The following BMPR2 variants were observed in gnomAD, a reference collection of about 807,000 sequenced individuals.
BMPR2 encodes the protein bone morphogenetic protein receptor type-2.
BMPR2 carries 29 observed loss-of-function variants against 100.8 expected under a neutral mutation model. The observed-to-expected ratio is 0.29, with a 90% CI of 0.21 to 0.39. The LOEUF (loss-of-function observed/expected upper bound fraction) is 0.39, where lower values mean the gene tolerates loss of function less well. BMPR2 is among the 10% of genes least tolerant of loss of function. The pLI is 1.00. For synonymous variants in BMPR2, 382 were observed against 442.3 expected, an observed-to-expected ratio of 0.86 and a Z score of 1.71; for missense variants, 1,011 against 1,274.5, an observed-to-expected ratio of 0.79 and a Z score of 3.15.
chr2:202,506,748 A>C (rs769085818), intron 3 of BMPR2, among the ~76,000 whole-genome samples: 7 of 151,982 alleles, frequency 4.6e-5, no homozygotes, highest in Non-Finnish European at 1.0e-4. Context: ...AAAATACAAA[A>C]AATTAGTTGG....
chr2:202,450,691 CAAAAAAAAAAAA>C (rs761806972), intron 1 of BMPR2, among the ~76,000 whole-genome samples: 1 of 41,232 alleles, frequency 2.4e-5, no homozygotes, highest in Non-Finnish European at 5.5e-5. Flanking sequence ...AACTCCATCT[CAAAAAAAAAAAA>C]AAAAAAAAAG....
chr2:202,464,900 G>A lies in BMPR2; in HGVS notation c.168G>A (p.Gly56=), dbSNP rs1403322729. 10 of 1,614,108 alleles carry A rather than the reference G, an allele frequency of 6.2e-6. No individual in the cohort carries two copies. The highest frequency in any genetic ancestry group is 8.5e-6 in the Non-Finnish European group (10 of 1,180,016). The change falls in exon 2 of 13, where the codon GGG becomes GGA. Residue 56 remains glycine, a synonymous_variant. Coordinates refer to ENST00000374580, the MANE Select transcript of BMPR2 (RefSeq NM_001204.7). The part of the protein sequence containing the change: ...IGESRISHEN[G]TILCSKGSTC... ...AGAGTAGAATCTCTCATGAAAATGG[G>A]ACAATATTATGCTCGAAAGGTAGCA...
intron 1 of BMPR2, among the ~76,000 whole-genome samples, chr2:202,420,530 A>G (rs1248175736): frequency 6.9e-6 from 1 of 144,410 alleles, no homozygotes; most frequent in Non-Finnish European, 1.5e-5. Context: ...ACATCTGTAG[A>G]AGCATGATTT....
At chr2:202,450,418 G>A (rs56390233) in intron 1 of BMPR2, among the ~76,000 whole-genome samples, 1,725 of 152,238 alleles carry the variant, frequency 0.011, 12 homozygotes, top group Middle Eastern at 0.02. Context: ...TGGGCTGGGC[G>A]AGGTGGCTCA....
intron 7 of BMPR2, among the ~76,000 whole-genome samples, chr2:202,525,596 C>G (rs1405989901): frequency 2.0e-5 from 3 of 152,164 alleles, no homozygotes; most frequent in African/African-American, 7.2e-5. Flanking sequence ...ATAAGTCCCA[C>G]TCCTATGCTT....
Position 202,550,066 on chromosome 2 carries a change from C to A in BMPR2, c.1414-2650C>A, listed in dbSNP as rs190178434. 2.1e-3 allele frequency among the ~76,000 whole-genome samples: 325 copies of A among 152,160 alleles called. 1 individual carries two copies. The highest frequency in any genetic ancestry group is 7.3e-3 in the African/African-American group (305 of 41,524). ...GACCACAGGTGTGCACAACCACATC[C>A]AGCTAATTTTTAAAAATTTTTGGCC... On this transcript the variant is annotated intron_variant, in intron 10 of 12. Transcript: ENST00000374580.
rs1216592236 is a variant in BMPR2, at chr2:202,382,058, G to GTT, written c.76+4526_76+4527dup. 3.6e-3 allele frequency among the ~76,000 whole-genome samples: 406 copies of GTT among 113,636 alleles called. 3 individuals carry two copies. The highest frequency in any genetic ancestry group is 8.4e-3 in the African/African-American group (266 of 31,544). The allele number at this position is 113,636 out of a possible 152,430, so 74.5% of individuals were successfully genotyped here. Reference sequence around the variant, plus strand: ...CTGCTGGATATCAGTTTTTGTTTTTGTTTTTTTTTTTTTTTTTTTGAGATG... The same window carrying GTT: ...CTGCTGGATATCAGTTTTTGTTTTTGTTTTTTTTTTTTTTTTTTTTTGAGATG... On this transcript the variant is annotated intron_variant, in intron 1 of 12. Transcript: ENST00000374580.
chr2:202,465,046 A>G (rs1692293327), intron 2 of BMPR2, 67 bp downstream of exon 2: 1 of 1,569,220 alleles, frequency 6.4e-7, no homozygotes. Flanking sequence ...TAAAAAGGAC[A>G]TGGGAGTATG....
chr2:202,406,926 CTT>C (rs2105914238), intron 1 of BMPR2, among the ~76,000 whole-genome samples: 1 of 151,814 alleles, frequency 6.6e-6, no homozygotes, highest in Non-Finnish European at 1.5e-5. Context: ...ATTCTTTTTT[CTT>C]TTTTACTTTT....
In BMPR2 at chr2:202,437,047, C is replaced by T. The variant is rs1362669927; in HGVS notation, c.77-27762C>T. Among the ~76,000 whole-genome samples, 6 of 150,422 alleles carry T rather than the reference C, an allele frequency of 4.0e-5. 1 individual carries two copies. The highest frequency in any genetic ancestry group is 1.5e-4 in the African/African-American group (6 of 39,866). On this transcript the variant is annotated intron_variant, in intron 1 of 12. Transcript: ENST00000374580. ...TTTTGAGATGGAGTCTCGCTTGGTC[C>T]GAGGCTGGAGTGCAGTGGCGTGATC...
In BMPR2 at chr2:202,562,476, T is replaced by C. The variant is rs1688691863; in HGVS notation, c.*2530T>C. ...AAATTTTAAATTGTACATCAGACTT[T>C]TAAAATCTGTAATATACAAGCAAGC... On this transcript the variant is annotated 3_prime_UTR_variant, in exon 13 of 13. Coordinates refer to ENST00000374580, the MANE Select transcript of BMPR2 (RefSeq NM_001204.7). 6.6e-6 allele frequency: 1 copy of C among 152,586 alleles called. No homozygotes were observed. The highest frequency in any genetic ancestry group is 1.5e-5 in the Non-Finnish European group (1 of 68,016). 9.5% of individuals were successfully genotyped at this position (152,586 alleles called of 1,614,324 possible).
At chr2:202,441,717 CAAAAAAAA>C (rs33963123) in intron 1 of BMPR2, among the ~76,000 whole-genome samples, 1 of 43,980 alleles carries the variant, frequency 2.3e-5, no homozygotes, top group South Asian at 9.1e-4. Context: ...GACTCCGTCT[CAAAAAAAA>C]AAAAAAAAAA....
At chr2:202,449,308 C>T (rs1052595318) in intron 1 of BMPR2, among the ~76,000 whole-genome samples, 4 of 142,980 alleles carry the variant, frequency 2.8e-5, no homozygotes, top group African/African-American at 1.0e-4. Flanking sequence ...AACTCCATCT[C>T]AAATAAATAA....
At chr2:202,446,320 C>T (rs1428427546) in intron 1 of BMPR2, among the ~76,000 whole-genome samples, 1 of 150,058 alleles carries the variant, frequency 6.7e-6, no homozygotes, top group African/African-American at 2.5e-5. Context: ...AATGCTTGAA[C>T]CTGGGAGGCA....
chr2:202,392,013 GC>G (rs1690560429), intron 1 of BMPR2, among the ~76,000 whole-genome samples: 1 of 151,276 alleles, frequency 6.6e-6, no homozygotes. Context: ...GCCCACCTTG[GC>G]CTCCCAAAGT....
At chr2:202,531,218 G>A (rs1369132894) in intron 8 of BMPR2, among the ~76,000 whole-genome samples, 6 of 152,166 alleles carry the variant, frequency 3.9e-5, no homozygotes, top group Non-Finnish European at 7.4e-5. Context: ...CAAGAGAATC[G>A]CTTGAACCCA....
chr2:202,546,677 C>T (rs1688381125), intron 10 of BMPR2, among the ~76,000 whole-genome samples: 1 of 152,194 alleles, frequency 6.6e-6, no homozygotes, highest in African/African-American at 2.4e-5. Context: ...AATCTCAGCT[C>T]ACTGTGGCGT....
chr2:202,550,689 G>C, intron 10 of BMPR2, among the ~76,000 whole-genome samples: 1 of 152,100 alleles, frequency 6.6e-6, no homozygotes, highest in Non-Finnish European at 1.5e-5. Context: ...TGTCGTCCCA[G>C]CTACTCAGGA....
rs746991838 is a variant in BMPR2 at position 202,559,791 on chromosome 2, A to G, written c.2962A>G (p.Thr988Ala). ...TTCTCTTAAGCGGTGGCGCCCCTCC[A>G]CCTGGGTCATCTCCACTGAATCGCT... ...PYSLKRWRPSTWVISTESLDC... is the reference protein window; with the variant it reads ...PYSLKRWRPSAWVISTESLDC... Residue 988 changes from threonine to alanine, a missense_variant, in exon 13 of 13, where the codon ACC becomes GCC. Thr to Ala is a moderately conservative substitution (Grantham distance 58). Coordinates refer to ENST00000374580, the MANE Select transcript of BMPR2 (RefSeq NM_001204.7). 1 of 1,614,088 alleles carries G rather than the reference A, an allele frequency of 6.2e-7. No homozygotes were observed. Among genetic ancestry groups the G allele is most frequent in the Non-Finnish European group, 8.5e-7 (1 of 1,180,028 alleles).
Sources: allele counts gnomAD v4.1 joint callset (sites outside exome capture counted in the v4.1 genomes callset), GRCh38; gene constraint gnomAD v4.1.1; transcripts MANE v1.5; gene names NCBI Gene and HGNC (gene_info 2026-07-23, HGNC 2026-07-21).